The following TRAF5 variants were observed in gnomAD, a reference collection of about 807,000 sequenced individuals.
TRAF5 encodes the protein TNF receptor associated factor 5.
TRAF5 carries 48 observed loss-of-function variants against 64.5 expected under a neutral mutation model. That is an observed-to-expected ratio of 0.74 (90% CI 0.59 to 0.95). The LOEUF (loss-of-function observed/expected upper bound fraction) is 0.95. Ranked by LOEUF, TRAF5 falls within the 40% of genes least tolerant of loss-of-function variation. The pLI is 0.00. For missense variants in TRAF5, 545 were observed against 662.8 expected, an observed-to-expected ratio of 0.82 and a Z score of 1.95; for synonymous variants, 206 against 240.5, an observed-to-expected ratio of 0.86 and a Z score of 1.33.
chr1:211,335,842 A>T (rs1057361718), intron 1 of TRAF5, among the ~76,000 whole-genome samples: 3 of 152,206 alleles, frequency 2.0e-5, no homozygotes, highest in Non-Finnish European at 2.9e-5. Flanking sequence ...GGTGGAGGAC[A>T]GGTGGGGAGA....
chr1:211,361,036 A>G, intron 6 of TRAF5, 52 bp from the exon 7 acceptor site: 2 of 1,569,988 alleles, frequency 1.3e-6, no homozygotes, highest in Non-Finnish European at 1.8e-6. Flanking sequence ...TGATTGCTGC[A>G]GTTGGAGAAT....
Position 211,367,859 on chromosome 1 carries a change from A to G in TRAF5, c.790-1593A>G, listed in dbSNP as rs188405465. Among the ~76,000 whole-genome samples, 166 of 152,308 alleles carry G rather than the reference A, an allele frequency of 1.1e-3. 1 individual carries two copies. The highest frequency in any genetic ancestry group is 3.8e-3 in the African/African-American group (157 of 41,584). On this transcript the variant is annotated intron_variant, in intron 8 of 10. Transcript: ENST00000261464. ...ATCAAATGCCCTCTCTGTGCCAGGC[A>G]CTGTCCTAGGCTCTAAGGATAAAGA...
intron 1 of TRAF5, among the ~76,000 whole-genome samples, chr1:211,335,782 A>G (rs930941740): frequency 2.0e-5 from 3 of 152,194 alleles, no homozygotes; most frequent in African/African-American, 7.2e-5. Context: ...TAAGGGGGAA[A>G]GGTTCTCTGT....
At chr1:211,354,383 T>C in intron 2 of TRAF5, 27 bp from the exon 3 acceptor site, 1 of 1,612,266 alleles carries the variant, frequency 6.2e-7, no homozygotes, top group South Asian at 1.1e-5. Flanking sequence ...CAACTAACTC[T>C]GGCTCCATTT....
chr1:211,345,050 C>A (rs998238274), intron 1 of TRAF5, among the ~76,000 whole-genome samples: 2 of 152,212 alleles, frequency 1.3e-5, no homozygotes, highest in African/African-American at 4.8e-5. Context: ...TCCCAAGTAG[C>A]TGGGATTACA....
rs1039825972 is a variant in TRAF5, at chr1:211,352,409, G to T, written c.-1-830G>T. Among the ~76,000 whole-genome samples the T allele has an allele frequency of 1.1e-4, 17 of 149,016 alleles. No individual in the cohort carries two copies. The South Asian group carries it at 3.4e-3, about 30-fold the overall frequency. ...TGTGGGAATTCAAGAGGAGACTTGGGTGGGGACACAGCCAAACCATGTCAC... is the reference window on the plus strand; with the variant it reads ...TGTGGGAATTCAAGAGGAGACTTGGTTGGGGACACAGCCAAACCATGTCAC... On this transcript the variant is annotated intron_variant, in intron 1 of 10. Coordinates refer to ENST00000261464, the MANE Select transcript of TRAF5 (RefSeq NM_001033910.3).
In TRAF5 at chr1:211,364,937, C is replaced by T. The variant is rs566816267; in HGVS notation, c.697-439C>T. On this transcript the variant is annotated intron_variant, in intron 7 of 10. Coordinates refer to ENST00000261464, the MANE Select transcript of TRAF5 (RefSeq NM_001033910.3). ...CCTGTAATCCCAGCACTTTGGGAGG[C>T]CAAGGTAGGCAGATCACTTGAGGTC... 9.7e-4 allele frequency among the ~76,000 whole-genome samples: 147 copies of T among 152,056 alleles called. 1 individual carries two copies. The highest frequency in any genetic ancestry group is 6.8e-3 in the Middle Eastern group (2 of 294).
chr1:211,352,087 T>G (rs1395336493), intron 1 of TRAF5, among the ~76,000 whole-genome samples: 1 of 152,194 alleles, frequency 6.6e-6, no homozygotes, highest in African/African-American at 2.4e-5. Context: ...AGACCCTGTC[T>G]GTGGTAGTCC....
At chr1:211,330,977 A>G (rs867119901) in intron 1 of TRAF5, among the ~76,000 whole-genome samples, 8 of 152,222 alleles carry the variant, frequency 5.3e-5, no homozygotes, top group African/African-American at 1.9e-4. Flanking sequence ...CTTGGCCACT[A>G]TGATTTGCAA....
chr1:211,334,704 G>A (rs1702245511), intron 1 of TRAF5, among the ~76,000 whole-genome samples: 1 of 152,144 alleles, frequency 6.6e-6, no homozygotes, highest in African/African-American at 2.4e-5. Context: ...TACCTAGATG[G>A]TTTAAGCACA....
chr1:211,369,910 C>T (rs1423340865), intron 9 of TRAF5, among the ~76,000 whole-genome samples: 1 of 152,160 alleles, frequency 6.6e-6, no homozygotes, highest in Non-Finnish European at 1.5e-5. Context: ...GGCCCTTTAC[C>T]TCTACATATT....
intron 1 of TRAF5, among the ~76,000 whole-genome samples, chr1:211,338,577 T>C (rs1702367061): frequency 1.3e-5 from 2 of 152,206 alleles, no homozygotes; most frequent in Admixed American, 1.3e-4. Flanking sequence ...ATAATTTACG[T>C]GGATTAATTC....
At chr1:211,369,824 G>T (rs868293006) in intron 9 of TRAF5, among the ~76,000 whole-genome samples, 6 of 148,556 alleles carry the variant, frequency 4.0e-5, no homozygotes, top group Non-Finnish European at 7.4e-5. Context: ...CGACGTGTAT[G>T]TGTGTGTGTG....
At chr1:211,337,475 A>G (rs969740302) in intron 1 of TRAF5, among the ~76,000 whole-genome samples, 26 of 152,294 alleles carry the variant, frequency 1.7e-4, no homozygotes, top group Non-Finnish European at 3.2e-4. Flanking sequence ...CTCTAAGGAC[A>G]CTGGCTTCTA....
chr1:211,353,401 C>T lies in TRAF5; in HGVS notation c.162C>T (p.Asn54=). 6.2e-7 allele frequency: 1 copy of T among 1,614,080 alleles called. No individual in the cohort carries two copies. Among genetic ancestry groups the T allele is most frequent in the Non-Finnish European group, 8.5e-7 (1 of 1,180,038 alleles). Residue 54 remains asparagine (N), a synonymous_variant, in exon 2 of 11, where the codon AAC becomes AAT. Coordinates refer to ENST00000261464, the MANE Select transcript of TRAF5 (RefSeq NM_001033910.3). ...CCTTCTGCCACTCGGTGCTTCACAA[C>T]CCCCACCAGACAGGATGTGGGCACC... The part of the protein sequence containing the change: ...KCAFCHSVLH[N]PHQTGCGHRF...
chr1:211,330,918 A>G (rs1702139952), intron 1 of TRAF5, among the ~76,000 whole-genome samples: 1 of 152,210 alleles, frequency 6.6e-6, no homozygotes, highest in Admixed American at 6.5e-5. Context: ...TTAAACCAAC[A>G]CTTTTAAGGA....
At position 211,373,533 on chromosome 1, in the gene TRAF5, T is replaced by C. The variant is rs1385737400; in HGVS notation, c.*831T>C. 6.6e-6 allele frequency: 1 copy of C among 152,182 alleles called. No individual in the cohort carries two copies. Among genetic ancestry groups the C allele is most frequent in the African/African-American group, 2.4e-5 (1 of 41,430 alleles). The allele number at this position is 152,182 out of a possible 1,614,324, so 9.4% of individuals were successfully genotyped here. A position where few individuals can be genotyped will look rare whatever the true frequency, so the allele number is the denominator to read the frequency against. On this transcript the variant is annotated 3_prime_UTR_variant, in exon 11 of 11. Transcript: ENST00000261464. ...ACACACATACATATACACCTATATA[T>C]GTGTGTATACAAACAGTTCGAATGT...
chr1:211,349,923 C>A (rs926185376), intron 1 of TRAF5, among the ~76,000 whole-genome samples: 4 of 152,110 alleles, frequency 2.6e-5, no homozygotes, highest in Admixed American at 1.3e-4. Flanking sequence ...ATGCGAAGTG[C>A]CAACCTCCGC....
intron 3 of TRAF5, among the ~76,000 whole-genome samples, chr1:211,355,259 A>G (rs556156780): frequency 3.9e-5 from 6 of 151,988 alleles, no homozygotes; most frequent in South Asian, 2.1e-4. Context: ...TTTTTCTTCC[A>G]TTCTGTGGGT....
Sources: gnomAD v4.1 joint callset for allele counts (sites outside exome capture counted in the v4.1 genomes callset) on GRCh38, gnomAD v4.1.1 for gene constraint, MANE v1.5 for transcripts, NCBI Gene and HGNC (gene_info 2026-07-23, HGNC 2026-07-21) for gene names.